ABCA13: variants seen among roughly 807,000 people sequenced by gnomAD.
The protein encoded by ABCA13 is ATP-binding cassette sub-family A member 13.
Under a neutral mutation model 478.7 loss-of-function variants are expected in ABCA13, and 476 were observed. The observed-to-expected ratio is 0.99, with a 90% CI of 0.92 to 1.07. The LOEUF (loss-of-function observed/expected upper bound fraction) is 1.07. ABCA13 is among the 50% of genes least tolerant of loss of function. The pLI is 0.00. For synonymous variants in ABCA13, 2,252 were observed against 2,158.9 expected, an observed-to-expected ratio of 1.04 and a Z score of -1.20; for missense variants, 6,060 against 5,910.6, an observed-to-expected ratio of 1.03 and a Z score of -0.83.
At chr7:48,271,132 C>T (rs1442827539) in intron 16 of ABCA13, among the ~76,000 whole-genome samples, 1 of 152,140 alleles carries the variant, frequency 6.6e-6, no homozygotes, top group Non-Finnish European at 1.5e-5. Context: ...ACACATGTAA[C>T]CCCAAGAATG....
chr7:48,380,887 C>G (rs370047796), intron 35 of ABCA13, among the ~76,000 whole-genome samples: 157 of 152,182 alleles, frequency 1.0e-3, no homozygotes, highest in African/African-American at 3.5e-3. Flanking sequence ...CTGTACGGGG[C>G]GATCACACTC....
At position 48,563,805 on chromosome 7, in the gene ABCA13, T is replaced by TGTGTGG. The variant is rs1447072025; in HGVS notation, c.14355-16414_14355-16413insGGTGTG. The stretch of plus-strand genomic sequence containing the variant: ...TTTTTGTTTACTGCTTGTGTGTGTG[T>TGTGTGG]GTGTGTGTGTGTGTGTGTGTGTGTG... On this transcript the variant is annotated intron_variant, in intron 55 of 61. Coordinates refer to ENST00000435803, the MANE Select transcript of ABCA13 (RefSeq NM_152701.5). Among the ~76,000 whole-genome samples the TGTGTGG allele has an allele frequency of 3.5e-5, 4 of 113,326 alleles. No individual in the cohort carries two copies. In the East Asian group the frequency reaches 1.1e-3, roughly 32 times the overall value. The allele number at this position is 113,326 out of a possible 152,430, so 74.3% of individuals were successfully genotyped here.
At chr7:48,454,541 G>A (rs1318099590) in intron 42 of ABCA13, among the ~76,000 whole-genome samples, 1 of 152,198 alleles carries the variant, frequency 6.6e-6, no homozygotes, top group African/African-American at 2.4e-5. Context: ...GGCAGGCGCC[G>A]GGCTCTCCTA....
intron 59 of ABCA13, among the ~76,000 whole-genome samples, chr7:48,641,982 C>G (rs1466076893): frequency 1.3e-5 from 2 of 152,156 alleles, no homozygotes; most frequent in African/African-American, 4.8e-5. Context: ...TTTAACAATT[C>G]TGAGAGATAG....
chr7:48,222,890 C>CACAATCTCT (rs1437336907), intron 5 of ABCA13, among the ~76,000 whole-genome samples: 6 of 152,168 alleles, frequency 3.9e-5, no homozygotes, highest in Admixed American at 3.9e-4. Flanking sequence ...CAGAGACCGA[C>CACAATCTCT]GGTAGCCAGA....
intron 57 of ABCA13, among the ~76,000 whole-genome samples, chr7:48,593,329 T>G (rs1789958041): frequency 6.6e-6 from 1 of 151,640 alleles, no homozygotes; most frequent in African/African-American, 2.4e-5. Flanking sequence ...ATAAAACATC[T>G]TATAGTTACA....
chr7:48,355,044 G>A (rs143857775), intron 31 of ABCA13, among the ~76,000 whole-genome samples: 3 of 141,246 alleles, frequency 2.1e-5, no homozygotes, highest in South Asian at 2.3e-4. Context: ...GAAAATAGGT[G>A]AATCAGTAAA....
chr7:48,423,682 T>A (rs542435008), intron 41 of ABCA13, among the ~76,000 whole-genome samples: 4 of 152,240 alleles, frequency 2.6e-5, no homozygotes, highest in Non-Finnish European at 2.9e-5. Context: ...TTGAATTTAC[T>A]GTCCCTTGAA....
chr7:48,271,648 T>G (rs1223784130), intron 16 of ABCA13, 139 bp from the exon 17 acceptor site: 2 of 516,610 alleles, frequency 3.9e-6, no homozygotes, highest in Non-Finnish European at 5.9e-6. Flanking sequence ...CACATTAGTT[T>G]AATTTCTGTT....
intron 1 of ABCA13, among the ~76,000 whole-genome samples, chr7:48,189,292 G>A (rs960749785): frequency 1.3e-5 from 2 of 152,150 alleles, no homozygotes; most frequent in Non-Finnish European, 2.9e-5. Context: ...GAAGAAAAAC[G>A]TGATTAAAAA....
At chr7:48,244,843 AC>A in intron 11 of ABCA13, 140 bp downstream of exon 11, 1 of 1,040,416 alleles carries the variant, frequency 9.6e-7, no homozygotes, top group South Asian at 1.7e-5. Context: ...TTTATGCTTT[AC>A]TCTGATGCCT....
At chr7:48,477,319 G>A (rs958316943) in intron 45 of ABCA13, among the ~76,000 whole-genome samples, 5 of 152,164 alleles carry the variant, frequency 3.3e-5, no homozygotes, top group Non-Finnish European at 5.9e-5. Flanking sequence ...AACCATTGTG[G>A]AAGTCAGTAT....
At chr7:48,600,354 T>A (rs1278030707) in intron 58 of ABCA13, among the ~76,000 whole-genome samples, 1 of 152,046 alleles carries the variant, frequency 6.6e-6, no homozygotes, top group Admixed American at 6.6e-5. Context: ...ATATTGTTTT[T>A]TTTTTTCCCA....
chr7:48,403,604 G>A, intron 38 of ABCA13, 79 bp from the exon 39 acceptor site: 1 of 1,404,726 alleles, frequency 7.1e-7, no homozygotes, highest in Non-Finnish European at 9.8e-7. Context: ...GCCACTGTTA[G>A]TCATTATTTC....
At chr7:48,235,690 C>A (rs1789845042) in intron 8 of ABCA13, among the ~76,000 whole-genome samples, 1 of 152,080 alleles carries the variant, frequency 6.6e-6, no homozygotes, top group South Asian at 2.1e-4. Flanking sequence ...AGGAAAAATT[C>A]TTTTTTTCTC....
At chr7:48,374,840 G>T (rs1378470189) in intron 34 of ABCA13, among the ~76,000 whole-genome samples, 1 of 152,072 alleles carries the variant, frequency 6.6e-6, no homozygotes, top group African/African-American at 2.4e-5. Context: ...TGAGCAGCAG[G>T]CAAGGGAGAG....
At position 48,179,565 on chromosome 7, in the gene ABCA13, G is replaced by T. The variant is rs559791589; in HGVS notation, c.69+8013G>T. Among the ~76,000 whole-genome samples the T allele has an allele frequency of 2.6e-5, 4 of 152,318 alleles. No homozygotes were observed. In the East Asian group the frequency reaches 7.7e-4, roughly 29 times the overall value. ...TGAAGTTGGAGCTCCTGGGAGAATT[G>T]TACCTGTGTGTTCTTGTGCCCACCT... On this transcript the variant is annotated intron_variant, in intron 1 of 61. Transcript: ENST00000435803.
intron 3 of ABCA13, among the ~76,000 whole-genome samples, chr7:48,216,472 T>A (rs1786497933): frequency 6.6e-6 from 1 of 152,228 alleles, no homozygotes. Context: ...GTAAGAATTC[T>A]TCATATATTT....
At chr7:48,506,181 G>A (rs890415712) in intron 48 of ABCA13, among the ~76,000 whole-genome samples, 155 bp from the exon 49 acceptor site, 10 of 152,316 alleles carry the variant, frequency 6.6e-5, no homozygotes, top group Admixed American at 6.5e-4. Context: ...TTTCACAATG[G>A]AATTTGCCAT....
Sources: gnomAD v4.1 joint callset for allele counts (sites outside exome capture counted in the v4.1 genomes callset) on GRCh38, gnomAD v4.1.1 for gene constraint, MANE v1.5 for transcripts, NCBI Gene and HGNC (gene_info 2026-07-23, HGNC 2026-07-21) for gene names.